Variants in KAZN observed in about 807,000 individuals in gnomAD.
KAZN encodes the protein kazrin, periplakin interacting protein.
In KAZN, 40 loss-of-function variants were observed where a neutral mutation model predicts 87.4. The ratio of observed to expected loss-of-function variants is 0.46; its 90% CI spans 0.36 to 0.60. KAZN has a LOEUF of 0.60. KAZN is among the 20% of genes least tolerant of loss of function. The pLI is 0.00. For synonymous variants in KAZN, 466 were observed against 458.3 expected, an observed-to-expected ratio of 1.02 and a Z score of -0.22; for missense variants, 898 against 1,073.9, an observed-to-expected ratio of 0.84 and a Z score of 2.29.
intron 2 of KAZN, among the ~76,000 whole-genome samples, chr1:14,364,771 G>A (rs546434361): frequency 6.6e-6 from 1 of 152,334 alleles, no homozygotes; most frequent in East Asian, 1.9e-4. Context: ...AGCTTCTAGG[G>A]AAGAATTGTT....
chr1:14,883,322 G>A lies in KAZN; in HGVS notation c.227-77362G>A, dbSNP rs878905460. ...AAAGAAAGAAAGAAAGAAAGAAAGA[G>A]AGAGAGAGAGAGAGAGAGAGAAAGA... On this transcript the variant is annotated intron_variant, in intron 1 of 14. Transcript: ENST00000376030. Among the ~76,000 whole-genome samples the A allele has an allele frequency of 8.5e-3, 303 of 35,784 alleles. 14 individuals carry two copies. The highest frequency in any genetic ancestry group is 0.021 in the African/African-American group (273 of 13,230). 23.5% of individuals were successfully genotyped at this position (35,784 alleles called of 152,430 possible). A position where few individuals can be genotyped will look rare whatever the true frequency, so the allele number is the denominator to read the frequency against.
intron 2 of KAZN, among the ~76,000 whole-genome samples, chr1:14,465,946 T>A (rs1434071613): frequency 6.6e-6 from 1 of 152,208 alleles, no homozygotes; most frequent in Non-Finnish European, 1.5e-5. Flanking sequence ...TAGGTATGTT[T>A]AGGTACACAC....
At chr1:14,432,627 A>G (rs933258698) in intron 2 of KAZN, among the ~76,000 whole-genome samples, 1 of 152,036 alleles carries the variant, frequency 6.6e-6, no homozygotes, top group Non-Finnish European at 1.5e-5. Flanking sequence ...GTAGGTATAC[A>G]TGTGCCATGG....
chr1:15,088,604 A>G (rs1640379166), intron 8 of KAZN, among the ~76,000 whole-genome samples: 2 of 152,200 alleles, frequency 1.3e-5, no homozygotes, highest in African/African-American at 4.8e-5. Context: ...AAGACTGAGA[A>G]GGAGGGAAAT....
chr1:14,355,779 C>T (rs1486398073), intron 2 of KAZN, among the ~76,000 whole-genome samples: 5 of 152,176 alleles, frequency 3.3e-5, no homozygotes, highest in Admixed American at 3.3e-4. Flanking sequence ...TTTATAGCTG[C>T]ATAGTATTCC....
intron 1 of KAZN, among the ~76,000 whole-genome samples, chr1:13,963,146 G>C (rs1424805576): frequency 6.6e-6 from 1 of 152,140 alleles, no homozygotes; most frequent in Non-Finnish European, 1.5e-5. Flanking sequence ...TCTAATGTCT[G>C]TGGTGATGGG....
Position 15,059,051 on chromosome 1 carries a change from C to T in KAZN, c.917-1121C>T, listed in dbSNP as rs540583605. Among the ~76,000 whole-genome samples the T allele has an allele frequency of 6.0e-5, 9 of 150,724 alleles. No individual in the cohort carries two copies. The South Asian group carries it at 1.3e-3, about 21-fold the overall frequency. On this transcript the variant is annotated intron_variant, in intron 5 of 14. Coordinates refer to ENST00000376030, the MANE Select transcript of KAZN (RefSeq NM_201628.3). ...ATAAATAAATAAATAACAAGCAGAA[C>T]GATGACAGATTGTAATTAGCACAAG...
intron 2 of KAZN, among the ~76,000 whole-genome samples, chr1:14,983,323 G>C (rs1167386470): frequency 6.6e-6 from 1 of 152,210 alleles, no homozygotes; most frequent in Non-Finnish European, 1.5e-5. Context: ...CGGAGCCTTG[G>C]TCCTAGGATT....
chr1:14,994,780 G>A (rs1057238053), intron 2 of KAZN, among the ~76,000 whole-genome samples: 5 of 152,216 alleles, frequency 3.3e-5, no homozygotes, highest in Non-Finnish European at 5.9e-5. Flanking sequence ...CTGAGACTCC[G>A]TGTATTCATC....
At chr1:14,743,801 C>G (rs1644184820) in intron 1 of KAZN, among the ~76,000 whole-genome samples, 1 of 152,146 alleles carries the variant, frequency 6.6e-6, no homozygotes, top group Non-Finnish European at 1.5e-5. Context: ...TTCCTGACAG[C>G]TCCAACAAGA....
intron 2 of KAZN, among the ~76,000 whole-genome samples, chr1:14,341,477 G>A (rs1056590007): frequency 1.9e-4 from 29 of 152,194 alleles, no homozygotes; most frequent in Non-Finnish European, 3.4e-4. Context: ...CAGCACCACT[G>A]TCCTTGTGTC....
At chr1:14,230,490 G>A (rs753402775) in intron 2 of KAZN, among the ~76,000 whole-genome samples, 29 of 152,130 alleles carry the variant, frequency 1.9e-4, no homozygotes, top group Non-Finnish European at 3.7e-4. Context: ...AACATTAAGG[G>A]TCACAGCTTG....
chr1:13,905,911 G>C (rs1347543167), intron 1 of KAZN, among the ~76,000 whole-genome samples: 3 of 152,068 alleles, frequency 2.0e-5, no homozygotes, highest in Admixed American at 2.0e-4. Flanking sequence ...CAGTATCTCT[G>C]GACTGAAATC....
intron 2 of KAZN, among the ~76,000 whole-genome samples, chr1:14,183,909 A>G (rs938382698): frequency 3.0e-4 from 23 of 75,644 alleles, no homozygotes; most frequent in African/African-American, 2.0e-3. Context: ...CTGCTGACCT[A>G]AGGAGGCTGC....
intron 1 of KAZN, among the ~76,000 whole-genome samples, chr1:14,162,561 T>C (rs201193611): frequency 7.2e-6 from 1 of 139,706 alleles, no homozygotes; most frequent in South Asian, 2.1e-4. Context: ...TTTTTTTTTT[T>C]TGAGACAGAG....
chr1:14,797,604 T>G (rs1214720061), intron 1 of KAZN, among the ~76,000 whole-genome samples: 1 of 152,218 alleles, frequency 6.6e-6, no homozygotes, highest in East Asian at 1.9e-4. Flanking sequence ...ATCTCATTCA[T>G]TTTTATCACT....
At chr1:14,744,998 G>A (rs531198319) in intron 1 of KAZN, among the ~76,000 whole-genome samples, 5 of 152,298 alleles carry the variant, frequency 3.3e-5, no homozygotes, top group Non-Finnish European at 7.3e-5. Flanking sequence ...CCCATGGGCA[G>A]TGGTAACTTA....
intron 1 of KAZN, among the ~76,000 whole-genome samples, chr1:14,818,861 C>T (rs1242898072): frequency 6.6e-6 from 1 of 152,136 alleles, no homozygotes; most frequent in East Asian, 1.9e-4. Flanking sequence ...TCAAGACCAG[C>T]CTAGCCAACA....
intron 2 of KAZN, among the ~76,000 whole-genome samples, chr1:15,019,277 G>C (rs572555724): frequency 3.3e-5 from 5 of 152,326 alleles, no homozygotes; most frequent in Admixed American, 3.3e-4. Flanking sequence ...TGCCTACCTG[G>C]ATATGATTAA....
Sources: allele counts gnomAD v4.1 joint callset (sites outside exome capture counted in the v4.1 genomes callset), GRCh38; gene constraint gnomAD v4.1.1; transcripts MANE v1.5; gene names NCBI Gene and HGNC (gene_info 2026-07-23, HGNC 2026-07-21).